USP4: variants seen among roughly 807,000 people sequenced by gnomAD.
The protein encoded by USP4 is ubiquitin carboxyl-terminal hydrolase 4.
A neutral mutation model predicts 118.2 loss-of-function variants in USP4; 72 were observed. The observed-to-expected ratio is 0.61, with a 90% CI of 0.50 to 0.74. USP4 has a LOEUF of 0.74. USP4 is among the 30% of genes least tolerant of loss of function. USP4 has a pLI of 0.00. For missense variants in USP4, 1,037 were observed against 1,185.7 expected (o/e 0.87, Z 1.84); for synonymous variants, 415 against 440.4 (o/e 0.94, Z 0.72).
chr3:49,291,126 G>A (rs1002736976), intron 15 of USP4, among the ~76,000 whole-genome samples: 3 of 151,716 alleles, frequency 2.0e-5, no homozygotes, highest in African/African-American at 4.8e-5. Flanking sequence ...CCACCACCAC[G>A]CCTAATTTTT....
At chr3:49,298,824 A>C (rs2107778023) in intron 11 of USP4, among the ~76,000 whole-genome samples, 189 bp from the exon 12 acceptor site, 1 of 152,326 alleles carries the variant, frequency 6.6e-6, no homozygotes, top group Non-Finnish European at 1.5e-5. Flanking sequence ...CTCAATACAC[A>C]GGCAGCAGCA....
intron 10 of USP4, among the ~76,000 whole-genome samples, chr3:49,301,499 C>T (rs147096564): frequency 1.2e-3 from 187 of 151,978 alleles, no homozygotes; most frequent in African/African-American, 4.3e-3. Flanking sequence ...ATCAGCCTGG[C>T]CAACATGGTG....
chr3:49,335,433 G>C (rs1344140593), intron 2 of USP4, 36 bp downstream of exon 2: 1 of 1,613,886 alleles, frequency 6.2e-7, no homozygotes, highest in Non-Finnish European at 8.5e-7. Context: ...CACTGCCCAG[G>C]TGAATGTTTA....
Position 49,335,522 on chromosome 3 carries a change from A to G in USP4, c.176T>C (p.Val59Ala), listed in dbSNP as rs758442296. Residue 59 changes from valine (V) to alanine (A), a missense_variant, in exon 2 of 22, where the codon GTG becomes GCG. Physicochemically the swap from Val to Ala is moderately conservative, Grantham distance 64. This residue lies in a region of USP4 where 487 missense variants were observed against 534.1 expected (regional missense o/e 0.91). Transcript: ENST00000265560. Reference protein sequence around the residue: ...VGFDSWDMYNVGEHNLFPGPI... With the variant: ...VGFDSWDMYNAGEHNLFPGPI... The stretch of plus-strand genomic sequence containing the variant: ...GCCAGGAAATAGGTTATGTTCACCC[A>G]CATTGTACATGTCCCAGCTGTCAAA... The G allele has an allele frequency of 6.2e-7, 1 of 1,614,228 alleles. No individual in the cohort carries two copies. The highest frequency in any genetic ancestry group is 8.5e-7 in the Non-Finnish European group (1 of 1,180,032).
chr3:49,278,247 G>C lies in USP4; in HGVS notation c.*46C>G, dbSNP rs780019149. 6.3e-7 allele frequency: 1 copy of C among 1,593,672 alleles called. No individual in the cohort carries two copies. The highest frequency in any genetic ancestry group is 2.2e-5 in the East Asian group (1 of 44,580). The stretch of plus-strand genomic sequence containing the variant: ...GCAGAGTGTCAAAGATGTTCTCCTG[G>C]GGGATTACACTGGCGCTACAGGGTG... On this transcript the variant is annotated 3_prime_UTR_variant, in exon 22 of 22. Transcript: ENST00000265560.
Position 49,339,992 on chromosome 3 carries a change from CGGTCGCTCACG to C in USP4, c.22_32del (p.Arg8GlyfsTer27). 1 of 1,611,102 alleles carries C rather than the reference CGGTCGCTCACG, an allele frequency of 6.2e-7. No individual in the cohort carries two copies. The highest frequency in any genetic ancestry group is 8.5e-7 in the Non-Finnish European group (1 of 1,179,846). ...GCTCGGACTTCTGAGTCTCCGCATC[CGGTCGCTCACG>C]GCAGCCTCCACCTTCCGCCATCTCC... On this transcript the variant is annotated frameshift_variant, in exon 1 of 22. Coordinates refer to ENST00000265560, the MANE Select transcript of USP4 (RefSeq NM_003363.4). LOFTEE classifies it high-confidence loss of function.
At chr3:49,287,201 C>T (rs926856259) in intron 15 of USP4, among the ~76,000 whole-genome samples, 3 of 152,038 alleles carry the variant, frequency 2.0e-5, no homozygotes, top group African/African-American at 7.2e-5. Flanking sequence ...TTCGTCCAGG[C>T]TGGAATGCAA....
At chr3:49,327,397 G>A (rs12497569) in intron 3 of USP4, among the ~76,000 whole-genome samples, 84,498 of 151,954 alleles carry the variant, frequency 0.56, 24,771 homozygotes, top group East Asian at 0.95. Context: ...TTGGCCAGGC[G>A]TAGTGAAAGG....
intron 8 of USP4, among the ~76,000 whole-genome samples, chr3:49,308,991 G>A (rs971214864): frequency 7.0e-6 from 1 of 143,036 alleles, no homozygotes; most frequent in Admixed American, 7.3e-5. Context: ...AAGATTGCGC[G>A]ACTGCACTCC....
chr3:49,320,049 T>C (rs1476962790), intron 6 of USP4, among the ~76,000 whole-genome samples: 2 of 152,108 alleles, frequency 1.3e-5, no homozygotes, highest in African/African-American at 4.8e-5. Flanking sequence ...CCCAAGAAGC[T>C]GGAACTGCAG....
chr3:49,331,354 C>T (rs1419444460), intron 2 of USP4, among the ~76,000 whole-genome samples: 2 of 150,716 alleles, frequency 1.3e-5, no homozygotes, highest in East Asian at 1.9e-4. Context: ...GTTGTGGTGG[C>T]TCATGCCTGT....
intron 8 of USP4, among the ~76,000 whole-genome samples, chr3:49,308,697 T>C (rs11710434): frequency 0.76 from 114,311 of 151,360 alleles, 43,526 homozygotes; most frequent in East Asian, 0.99. Context: ...TAGTTTGCAG[T>C]ACTCCATATG....
intron 6 of USP4, 157 bp from the exon 7 acceptor site, chr3:49,311,811 T>C: frequency 1.5e-6 from 2 of 1,347,730 alleles, no homozygotes; most frequent in Non-Finnish European, 1.9e-6. Context: ...GTAAACTTTA[T>C]TTAAGTGAGA....
At chr3:49,312,692 T>C (rs1575612900) in intron 6 of USP4, 1 of 315,280 alleles carries the variant, frequency 3.2e-6, no homozygotes, top group Non-Finnish European at 6.3e-6. Context: ...CTGGGGAGGC[T>C]GAGGGGCAGG....
intron 13 of USP4, among the ~76,000 whole-genome samples, chr3:49,296,038 G>A (rs559235225): frequency 6.6e-4 from 100 of 152,142 alleles, no homozygotes; most frequent in African/African-American, 2.2e-3. Flanking sequence ...ACATTAAAAA[G>A]TAGCAGATGC....
In USP4 at chr3:49,324,763, C is replaced by T. The variant is rs748659168; in HGVS notation, c.634G>A (p.Val212Met). ...TCATTTTGAGGCTCAATTACTAGCA[C>T]CTGAGTGAAAGGGGAAACCAAATGA... is the stretch of plus-strand genomic sequence containing the variant. Reference protein sequence around the residue: ...VQDAGLYQGQVLVIEPQNEDG... With the variant: ...VQDAGLYQGQMLVIEPQNEDG... Residue 212 changes from valine to methionine, a missense_variant and splice_region_variant, in exon 6 of 22, where the codon GTG becomes ATG. Physicochemically the swap from Val to Met is conservative, Grantham distance 21 (BLOSUM62 1). Coordinates refer to ENST00000265560, the MANE Select transcript of USP4 (RefSeq NM_003363.4). 6 of 1,614,052 alleles carry T rather than the reference C, an allele frequency of 3.7e-6. No homozygotes were observed. In the South Asian group the frequency reaches 6.6e-5, roughly 18 times the overall value.
At chr3:49,294,376 A>AT (rs1001979567) in intron 14 of USP4, 31 bp downstream of exon 14, 1 of 1,596,484 alleles carries the variant, frequency 6.3e-7, no homozygotes, top group African/African-American at 1.3e-5. Flanking sequence ...TTCATCTCAG[A>AT]TAACAACCAA....
chr3:49,292,272 A>T, intron 15 of USP4, among the ~76,000 whole-genome samples: 1 of 151,098 alleles, frequency 6.6e-6, no homozygotes, highest in African/African-American at 2.4e-5. Context: ...GGTGACAGGA[A>T]TGAGACCCCT....
chr3:49,310,010 G>A (rs1483803787), intron 8 of USP4, among the ~76,000 whole-genome samples: 8 of 120,670 alleles, frequency 6.6e-5, no homozygotes, highest in South Asian at 3.0e-4. Context: ...GTGCAGTGGC[G>A]TAATCTCAGC....
Sources: allele counts gnomAD v4.1 joint callset (sites outside exome capture counted in the v4.1 genomes callset), GRCh38; gene constraint gnomAD v4.1.1; regional missense constraint gnomAD v4.1.1; transcripts MANE v1.5; gene names NCBI Gene and HGNC (gene_info 2026-07-23, HGNC 2026-07-21).